Variants in ELAVL4 observed in about 807,000 individuals in gnomAD.
ELAVL4 encodes the protein ELAV-like protein 4.
In ELAVL4, 1 loss-of-function variant was observed where a neutral mutation model predicts 35.6. The ratio of observed to expected loss-of-function variants is 0.03; its 90% confidence interval spans 0.01 to 0.13. The LOEUF is 0.13. Ranked by LOEUF, ELAVL4 falls within the 10% of genes least tolerant of loss-of-function variation. The pLI is 1.00. For missense variants in ELAVL4, 267 were observed against 464.9 expected, an observed-to-expected ratio of 0.57 and a Z score of 3.91; for synonymous variants, 156 against 171.0, an observed-to-expected ratio of 0.91 and a Z score of 0.69.
chr1:50,091,468 A>T (rs1665490866), intron 1 of ELAVL4, among the ~76,000 whole-genome samples: 1 of 152,192 alleles, frequency 6.6e-6, no homozygotes, highest in African/African-American at 2.4e-5. Flanking sequence ...GGCCAAAATT[A>T]GTTCAAGGCC....
At chr1:50,057,485 C>T (rs1663739989) in intron 1 of ELAVL4, among the ~76,000 whole-genome samples, 2 of 152,312 alleles carry the variant, frequency 1.3e-5, no homozygotes, top group South Asian at 2.1e-4. Flanking sequence ...TTCATTGACT[C>T]ACTCAGAGTA....
chr1:50,176,828 G>C (rs150348105), intron 2 of ELAVL4, among the ~76,000 whole-genome samples: 2 of 152,300 alleles, frequency 1.3e-5, no homozygotes, highest in East Asian at 3.9e-4. Flanking sequence ...TTGTGTGGCT[G>C]TGCAGGGGCA....
rs1490666135 is a variant in ELAVL4, at chr1:50,165,766, G to GTATATATGTA, written c.251-11318_251-11317insATGTATATAT. Among the ~76,000 whole-genome samples the GTATATATGTA allele has an allele frequency of 2.5e-4, 37 of 149,542 alleles. 1 individual carries two copies. The South Asian group carries it at 7.6e-3, about 31-fold the overall frequency. ...TATATACATATATGTGTATATGTGT[G>GTATATATGTA]TATATGTGTGTATATATGTGTATAT... On this transcript the variant is annotated intron_variant, in intron 2 of 6. Coordinates refer to ENST00000371824, the MANE Select transcript of ELAVL4 (RefSeq NM_001144774.3).
chr1:50,073,780 A>G (rs1389709655), intron 1 of ELAVL4, among the ~76,000 whole-genome samples: 1 of 151,340 alleles, frequency 6.6e-6, no homozygotes, highest in Non-Finnish European at 1.5e-5. Flanking sequence ...TATGAATATA[A>G]TGATTGCCAT....
At chr1:50,099,597 A>C (rs1206095126), upstream of ELAVL4, among the ~76,000 whole-genome samples, 7 of 152,022 alleles carry the variant, frequency 4.6e-5, no homozygotes, top group African/African-American at 9.7e-5. Context: ...AAAAGAAAGA[A>C]AGTAACAATG....
At chr1:50,144,776 G>A (rs1673398385) in intron 1 of ELAVL4, 181 bp from the exon 2 acceptor site, 1 of 891,940 alleles carries the variant, frequency 1.1e-6, no homozygotes, top group East Asian at 2.4e-5. Context: ...AAAATAGAAA[G>A]AGGAGTTTAA....
intron 3 of ELAVL4, among the ~76,000 whole-genome samples, chr1:50,183,533 T>C (rs1681375438): frequency 6.6e-6 from 1 of 152,122 alleles, no homozygotes; most frequent in Non-Finnish European, 1.5e-5. Context: ...AGTGAGCTCC[T>C]TCATTTCCAC....
At position 50,125,657 on chromosome 1, in the gene ELAVL4, G is replaced by A. The variant is rs1669782475; in HGVS notation, c.9+16459G>A. Among the ~76,000 whole-genome samples, 3 of 152,042 alleles carry A rather than the reference G, an allele frequency of 2.0e-5. No homozygotes were observed. The South Asian group carries it at 6.2e-4, about 31-fold the overall frequency. ...TCTGTGAAATGGGACAAATGTTCCA[G>A]GAGGGTCAGGAGGAGGATTTGGCCA... On this transcript the variant is annotated intron_variant, in intron 1 of 6. Transcript: ENST00000371824.
intron 1 of ELAVL4, among the ~76,000 whole-genome samples, chr1:50,125,337 G>A (rs1669723524): frequency 6.6e-6 from 1 of 152,022 alleles, no homozygotes; most frequent in Non-Finnish European, 1.5e-5. Context: ...TGCTAGATTA[G>A]AGAGTTACAC....
chr1:50,100,535 C>T (rs1038725267), upstream of ELAVL4, among the ~76,000 whole-genome samples: 15 of 152,204 alleles, frequency 9.9e-5, no homozygotes, highest in African/African-American at 3.6e-4. Context: ...GCTTCTCCCA[C>T]GAAGCCTTCC....
chr1:50,102,058 C>T (rs575955512), upstream of ELAVL4, among the ~76,000 whole-genome samples: 1 of 152,090 alleles, frequency 6.6e-6, no homozygotes, highest in Non-Finnish European at 1.5e-5. Flanking sequence ...GAGGCCGTGG[C>T]GGGCAGATCA....
At position 50,078,682 on chromosome 1, in the gene ELAVL4, C is replaced by T. The variant is rs143962407; in HGVS notation, c.18+30500C>T. 2.2e-3 allele frequency among the ~76,000 whole-genome samples: 330 copies of T among 152,200 alleles called. 1 individual carries two copies. The highest frequency in any genetic ancestry group is 3.2e-3 in the Non-Finnish European group (220 of 68,006). ...GTCATCTCTAACCCCTTTGAGGATACGATCTCTCACTGATCTGTGGCAGAG... is the reference window on the plus strand; with the variant it reads ...GTCATCTCTAACCCCTTTGAGGATATGATCTCTCACTGATCTGTGGCAGAG... On this transcript the variant is annotated intron_variant, in intron 1 of 6. Coordinates refer to the ELAVL4 transcript ENST00000448907.
intron 1 of ELAVL4, among the ~76,000 whole-genome samples, chr1:50,130,059 A>C (rs1670605842): frequency 1.3e-5 from 2 of 152,172 alleles, no homozygotes; most frequent in South Asian, 4.1e-4. Context: ...CCCAAGTCGG[A>C]TCACCTCCAA....
intron 1 of ELAVL4, among the ~76,000 whole-genome samples, chr1:50,125,582 G>A (rs998430696): frequency 6.6e-6 from 1 of 152,062 alleles, no homozygotes; most frequent in South Asian, 2.1e-4. Context: ...ACTTAAGATA[G>A]AGAACTCATA....
At chr1:50,119,672 A>G (rs1016488381) in intron 1 of ELAVL4, among the ~76,000 whole-genome samples, 1 of 151,956 alleles carries the variant, frequency 6.6e-6, no homozygotes, top group East Asian at 1.9e-4. Context: ...TATAATCTTA[A>G]CAGTATTCTT....
At chr1:50,093,124 G>T (rs890925786) in intron 1 of ELAVL4, among the ~76,000 whole-genome samples, 7 of 152,166 alleles carry the variant, frequency 4.6e-5, no homozygotes, top group African/African-American at 1.7e-4. Context: ...GATCATCAAG[G>T]ATAAGTGGGG....
chr1:50,080,482 C>T (rs1664959606), intron 1 of ELAVL4, among the ~76,000 whole-genome samples: 2 of 152,078 alleles, frequency 1.3e-5, no homozygotes, highest in Admixed American at 1.3e-4. Context: ...TCTCTGAATT[C>T]CATCATCATT....
At chr1:50,187,107 TC>T (rs1231953621) in intron 3 of ELAVL4, among the ~76,000 whole-genome samples, 1 of 152,082 alleles carries the variant, frequency 6.6e-6, no homozygotes, top group Non-Finnish European at 1.5e-5. Flanking sequence ...TCTCCTCATC[TC>T]CCCAGGGACT....
chr1:50,058,550 C>G (rs1663796387), intron 1 of ELAVL4, among the ~76,000 whole-genome samples: 1 of 150,008 alleles, frequency 6.7e-6, no homozygotes, highest in South Asian at 2.1e-4. Flanking sequence ...CTTCACTTGA[C>G]TAGCCTAAAG....
Sources: gnomAD v4.1 joint callset for allele counts (sites outside exome capture counted in the v4.1 genomes callset) on GRCh38, gnomAD v4.1.1 for gene constraint, MANE v1.5 for transcripts, NCBI Gene and HGNC (gene_info 2026-07-23, HGNC 2026-07-21) for gene names.